Variants in PLAAT1 observed in about 807,000 individuals in gnomAD.
PLAAT1 encodes the protein phospholipase A and acyltransferase 1.
A neutral mutation model predicts 16.4 loss-of-function variants in PLAAT1; 13 were observed. The observed-to-expected ratio is 0.79, with a 90% CI of 0.52 to 1.26. PLAAT1 has a LOEUF of 1.26. Ranked by LOEUF, PLAAT1 falls within the 50% of genes most tolerant of loss-of-function variation. The pLI is 0.00. For missense variants in PLAAT1, 218 were observed against 207.8 expected (o/e 1.05, Z -0.30); for synonymous variants, 73 against 78.4 (o/e 0.93, Z 0.36).
At chr3:193,268,556 A>G (rs965649443) in intron 3 of PLAAT1, among the ~76,000 whole-genome samples, 1 of 152,246 alleles carries the variant, frequency 6.6e-6, no homozygotes, top group Non-Finnish European at 1.5e-5. Flanking sequence ...TTGGTTCACC[A>G]AGAACATCCT....
intron 2 of PLAAT1, among the ~76,000 whole-genome samples, chr3:193,260,838 A>G (rs1280653739): frequency 6.6e-6 from 1 of 152,218 alleles, no homozygotes; most frequent in Non-Finnish European, 1.5e-5. Flanking sequence ...CAGCAATCCT[A>G]TTACTGCATA....
rs776813086 is a variant in PLAAT1 at position 193,263,106 on chromosome 3, T to C, written c.276T>C (p.Pro92=). The C allele has an allele frequency of 1.9e-6, 3 of 1,613,974 alleles. No homozygotes were observed. The highest frequency in any genetic ancestry group is 3.3e-5 in the Admixed American group (2 of 59,976). Residue 92 remains proline (P), a synonymous_variant, in exon 3 of 4, where the codon CCT becomes CCC. Transcript: ENST00000264735. ...ATAAATACGATGAAACGTACCCCCC[T>C]CTCCCTGTGGAAGAAATCATAAAGC... is the stretch of plus-strand genomic sequence containing the variant. ...INNKYDETYP[P]LPVEEIIKRS...
downstream of PLAAT1, among the ~76,000 whole-genome samples, chr3:193,272,209 C>T (rs4687397): frequency 0.38 from 58,067 of 151,860 alleles, 12,754 homozygotes; most frequent in Non-Finnish European, 0.48. Flanking sequence ...TTTGGGAGGC[C>T]GAGGCAGGTG....
chr3:193,254,259 C>A (rs1422594786), intron 1 of PLAAT1, among the ~76,000 whole-genome samples: 2 of 152,244 alleles, frequency 1.3e-5, no homozygotes, highest in East Asian at 3.9e-4. Flanking sequence ...TGGGAAAACA[C>A]CCTTCTAACA....
intron 2 of PLAAT1, among the ~76,000 whole-genome samples, chr3:193,276,341 A>T (rs1717198850): frequency 6.6e-6 from 1 of 152,230 alleles, no homozygotes; most frequent in African/African-American, 2.4e-5. Context: ...ATTGACTAGA[A>T]TAAGCAACGG....
intron 1 of PLAAT1, among the ~76,000 whole-genome samples, chr3:193,241,823 G>A (rs2108773346): frequency 6.6e-6 from 1 of 152,270 alleles, no homozygotes; most frequent in Admixed American, 6.5e-5. Flanking sequence ...AATTATTATC[G>A]TATTGGATTT....
At chr3:193,262,639 C>T (rs1716627426) in intron 2 of PLAAT1, among the ~76,000 whole-genome samples, 1 of 152,114 alleles carries the variant, frequency 6.6e-6, no homozygotes, top group South Asian at 2.1e-4. Flanking sequence ...CTATGTTAGA[C>T]ACACATACCA....
intron 1 of PLAAT1, among the ~76,000 whole-genome samples, chr3:193,248,629 A>C (rs73072871): frequency 0.019 from 2,869 of 152,192 alleles, 79 homozygotes; most frequent in African/African-American, 0.066. Flanking sequence ...AAAACGTCTT[A>C]TACTAATGAC....
At chr3:193,275,343 G>T, downstream of PLAAT1, 1 of 1,600,184 alleles carries the variant, frequency 6.2e-7, no homozygotes, top group African/African-American at 1.3e-5. Context: ...TATTGCGCAG[G>T]TCCCCCTGCA....
intron 1 of PLAAT1, among the ~76,000 whole-genome samples, chr3:193,242,108 G>GTT (rs60283760): frequency 9.4e-4 from 137 of 146,100 alleles, no homozygotes; most frequent in Non-Finnish European, 1.0e-3. Context: ...ATTATGAGAG[G>GTT]TTTTTTTTTT....
downstream of PLAAT1, among the ~76,000 whole-genome samples, chr3:193,272,976 A>AT (rs1236929211): frequency 6.6e-6 from 1 of 152,222 alleles, no homozygotes; most frequent in African/African-American, 2.4e-5. Context: ...TTCTCTGAGC[A>AT]TATTTTTAAC....
downstream of PLAAT1, among the ~76,000 whole-genome samples, chr3:193,280,318 CTA>C (rs779173812): frequency 1.3e-5 from 2 of 152,168 alleles, no homozygotes; most frequent in Non-Finnish European, 2.9e-5. Context: ...TCCCAAAGTG[CTA>C]TGATTACAGG....
At chr3:193,274,056 C>A (rs186402011), downstream of PLAAT1, among the ~76,000 whole-genome samples, 1 of 152,094 alleles carries the variant, frequency 6.6e-6, no homozygotes, top group African/African-American at 2.4e-5. Flanking sequence ...CCAGCCTGGA[C>A]AACATGGTGA....
upstream of PLAAT1, chr3:193,241,133 CG>C: frequency 2.3e-6 from 2 of 885,634 alleles, no homozygotes; most frequent in African/African-American, 4.1e-5. Context: ...GGCGGGCGGG[CG>C]GGCGGGCGAA....
At chr3:193,258,363 AAGAAC>A (rs1196220063) in intron 2 of PLAAT1, among the ~76,000 whole-genome samples, 1 of 152,188 alleles carries the variant, frequency 6.6e-6, no homozygotes, top group Non-Finnish European at 1.5e-5. Context: ...CTAGGAAAAA[AAGAAC>A]AGACCAACCC....
intron 3 of PLAAT1, among the ~76,000 whole-genome samples, chr3:193,266,348 A>C (rs943042848): frequency 5.9e-5 from 9 of 152,208 alleles, no homozygotes; most frequent in African/African-American, 2.2e-4. Context: ...CAAATAAGCA[A>C]ATTTTTTAAA....
chr3:193,255,612 G>A lies in PLAAT1; in HGVS notation c.1-39G>A, dbSNP rs760383521. On this transcript the variant is annotated intron_variant, in intron 1 of 3. Coordinates refer to ENST00000264735, the MANE Select transcript of PLAAT1 (RefSeq NM_020386.5). ...TCTTAAACTGATTTTCTTTTGGCAA[G>A]TTGTATTAGCTAGCTCTTCTTTGTA... is the stretch of plus-strand genomic sequence containing the variant. The A allele has an allele frequency of 1.1e-5, 17 of 1,557,458 alleles. No individual in the cohort carries two copies. In the African/African-American group the frequency reaches 2.4e-4, roughly 22 times the overall value.
At chr3:193,261,024 T>A (rs1354593743) in intron 2 of PLAAT1, among the ~76,000 whole-genome samples, 1 of 152,202 alleles carries the variant, frequency 6.6e-6, no homozygotes, top group African/African-American at 2.4e-5. Context: ...TGCTTTGTTT[T>A]TCTGTATTTT....
At chr3:193,249,086 G>A (rs1716093174) in intron 1 of PLAAT1, among the ~76,000 whole-genome samples, 1 of 152,056 alleles carries the variant, frequency 6.6e-6, no homozygotes, top group Non-Finnish European at 1.5e-5. Flanking sequence ...ATTGCTGAGT[G>A]TAGTATTCTT....
Sources: gnomAD v4.1 joint callset for allele counts (sites outside exome capture counted in the v4.1 genomes callset) on GRCh38, gnomAD v4.1.1 for gene constraint, MANE v1.5 for transcripts, NCBI Gene and HGNC (gene_info 2026-07-23, HGNC 2026-07-21) for gene names.